The following GAS7 variants were observed in gnomAD, a reference collection of about 807,000 sequenced individuals.
The protein encoded by GAS7 is growth arrest-specific protein 7.
In GAS7, 28 loss-of-function variants were observed where a neutral mutation model predicts 71.1. The observed-to-expected ratio is 0.39, with a 90% CI of 0.29 to 0.54. The LOEUF (loss-of-function observed/expected upper bound fraction) is 0.54. Ranked by LOEUF, GAS7 falls within the 20% of genes least tolerant of loss-of-function variation. GAS7 has a pLI of 0.62. For missense variants in GAS7, 436 were observed against 627.8 expected (o/e 0.69, Z 3.27); for synonymous variants, 258 against 245.8 (o/e 1.05, Z -0.46).
chr17:10,169,937 G>A (rs538862162), intron 1 of GAS7, among the ~76,000 whole-genome samples: 1 of 152,054 alleles, frequency 6.6e-6, no homozygotes, highest in East Asian at 1.9e-4. Context: ...TTTCAAACCA[G>A]CTCCTTCCTC....
At chr17:10,152,244 A>T (rs1028202060) in intron 1 of GAS7, among the ~76,000 whole-genome samples, 2 of 152,204 alleles carry the variant, frequency 1.3e-5, no homozygotes, top group Admixed American at 1.3e-4. Flanking sequence ...AGTTCCCCGA[A>T]AAGATGGGAG....
At chr17:10,025,643 T>TC (rs2072438104) in intron 1 of GAS7, among the ~76,000 whole-genome samples, 1 of 147,410 alleles carries the variant, frequency 6.8e-6, no homozygotes, top group Admixed American at 6.8e-5. Flanking sequence ...CAAAAACAAA[T>TC]CCCCCCACAG....
chr17:10,190,686 G>T, intron 1 of GAS7, among the ~76,000 whole-genome samples: 1 of 152,072 alleles, frequency 6.6e-6, no homozygotes, highest in Non-Finnish European at 1.5e-5. Flanking sequence ...AGATATCAGG[G>T]AACTTGGTGG....
chr17:10,011,611 C>G (rs1371982162), intron 2 of GAS7, among the ~76,000 whole-genome samples: 1 of 152,158 alleles, frequency 6.6e-6, no homozygotes, highest in Admixed American at 6.5e-5. Flanking sequence ...TGTACTGATA[C>G]CTCCTAAATA....
Position 10,096,969 on chromosome 17 carries a change from T to C in GAS7, c.184-77072A>G, listed in dbSNP as rs114256153. Among the ~76,000 whole-genome samples the C allele has an allele frequency of 7.2e-3, 1,093 of 152,338 alleles. 15 individuals carry two copies. The highest frequency in any genetic ancestry group is 0.025 in the African/African-American group (1,030 of 41,584). On this transcript the variant is annotated intron_variant, in intron 1 of 13. Transcript: ENST00000432992. ...TCATCATCTCACCATCCCCTCACCC[T>C]GCAGCTATGCCAGACATTTTCTAAA...
At chr17:10,186,567 C>T (rs1208950900) in intron 1 of GAS7, among the ~76,000 whole-genome samples, 3 of 151,902 alleles carry the variant, frequency 2.0e-5, no homozygotes, top group Non-Finnish European at 4.4e-5. Context: ...CCAAGCCAGG[C>T]CAATTTTTTT....
chr17:10,064,503 G>A (rs1009331137), intron 1 of GAS7, among the ~76,000 whole-genome samples: 8 of 152,308 alleles, frequency 5.3e-5, no homozygotes, highest in Non-Finnish European at 7.3e-5. Context: ...CAATTAGCAC[G>A]TGCCCTCTCC....
rs547013687 is a variant in GAS7, at chr17:9,933,045, G to A, written c.885+1121C>T. Among the ~76,000 whole-genome samples the A allele has an allele frequency of 7.6e-4, 116 of 152,088 alleles. 1 individual carries two copies. The highest frequency in any genetic ancestry group is 2.7e-3 in the African/African-American group (110 of 41,504). ...AAATTAGCTGGGTGTGGTGGCAGGC[G>A]CCTGTAGTCCCAGCTACTCGGGAGG... On this transcript the variant is annotated intron_variant, in intron 9 of 13. Transcript: ENST00000432992.
intron 1 of GAS7, among the ~76,000 whole-genome samples, chr17:10,055,798 G>A (rs1029237937): frequency 6.3e-4 from 96 of 152,246 alleles, no homozygotes; most frequent in East Asian, 5.8e-4. Context: ...ATATTTTTCC[G>A]CTCTGGTTTT....
intron 2 of GAS7, 75 bp downstream of exon 2, chr17:10,019,702 G>C (rs935377918): frequency 2.1e-6 from 3 of 1,432,564 alleles, no homozygotes; most frequent in Non-Finnish European, 2.9e-6. Flanking sequence ...GCGAAGAAGG[G>C]AGAAAAAACG....
intron 1 of GAS7, among the ~76,000 whole-genome samples, chr17:10,179,219 C>G (rs1203140163): frequency 6.6e-6 from 1 of 152,004 alleles, no homozygotes; most frequent in Non-Finnish European, 1.5e-5. Flanking sequence ...ATCCCAACTA[C>G]TCTGGAGGCT....
chr17:10,161,891 C>T (rs1342872976), intron 1 of GAS7, among the ~76,000 whole-genome samples: 1 of 151,890 alleles, frequency 6.6e-6, no homozygotes, highest in African/African-American at 2.4e-5. Flanking sequence ...GGTGAAACCC[C>T]GTCTCTACTA....
chr17:10,081,744 C>T (rs977228074), intron 1 of GAS7, among the ~76,000 whole-genome samples: 1 of 152,168 alleles, frequency 6.6e-6, no homozygotes, highest in African/African-American at 2.4e-5. Flanking sequence ...TTCACACCCT[C>T]GGATGGCAAA....
At chr17:10,051,448 T>A (rs1219685658) in intron 1 of GAS7, among the ~76,000 whole-genome samples, 1 of 152,228 alleles carries the variant, frequency 6.6e-6, no homozygotes, top group Non-Finnish European at 1.5e-5. Flanking sequence ...ATCAATGGCT[T>A]TGCGGGCCTA....
chr17:9,954,397 C>G (rs896853396), intron 5 of GAS7, among the ~76,000 whole-genome samples: 1 of 151,916 alleles, frequency 6.6e-6, no homozygotes, highest in Non-Finnish European at 1.5e-5. Flanking sequence ...GGTGAGCACC[C>G]CCACTACAGC....
At chr17:9,996,246 A>G (rs60003958) in intron 2 of GAS7, among the ~76,000 whole-genome samples, 8,521 of 152,186 alleles carry the variant, frequency 0.056, 643 homozygotes, top group African/African-American at 0.17. Flanking sequence ...CAGCCATAAA[A>G]AAGGATGAGT....
In GAS7 at chr17:9,981,662, A is replaced by C; in HGVS notation, c.385+142T>G. 2 of 647,410 alleles carry C rather than the reference A, an allele frequency of 3.1e-6. No homozygotes were observed. Among genetic ancestry groups the C allele is most frequent in the Non-Finnish European group, 5.6e-6 (2 of 356,972 alleles). The allele number at this position is 647,410 out of a possible 1,614,324, so 40.1% of individuals were successfully genotyped here. A position where few individuals can be genotyped will look rare whatever the true frequency, so the allele number is the denominator to read the frequency against. ...ACCAACCTGCTTGGCAGCAGGCCTA[A>C]GGGACCCTCTCCCAGGCCCAACCCC... On this transcript the variant is annotated intron_variant, in intron 3 of 13. Transcript: ENST00000432992. The surrounding 1 kb of genome is among the most constrained non-coding windows in gnomAD (Gnocchi z 4.4).
intron 1 of GAS7, among the ~76,000 whole-genome samples, chr17:10,125,219 T>TA (rs931396763): frequency 1.3e-4 from 19 of 151,906 alleles, no homozygotes; most frequent in Admixed American, 1.3e-4. Flanking sequence ...ATATTAAATT[T>TA]AAAAAAAATA....
chr17:9,917,826 G>C (rs2067636526), intron 13 of GAS7, among the ~76,000 whole-genome samples, 175 bp downstream of exon 13: 1 of 152,232 alleles, frequency 6.6e-6, no homozygotes, highest in African/African-American at 2.4e-5. Flanking sequence ...CAGACGTCCA[G>C]GACAATCCTG....
Sources: allele counts gnomAD v4.1 joint callset (sites outside exome capture counted in the v4.1 genomes callset), GRCh38; gene constraint gnomAD v4.1.1; non-coding constraint Gnocchi (gnomAD v3.1); transcripts MANE v1.5; gene names NCBI Gene and HGNC (gene_info 2026-07-23, HGNC 2026-07-21).